Variants in DLG2 observed in about 807,000 individuals in gnomAD.
DLG2 encodes discs large MAGUK scaffold protein 2, also known as disks large homolog 2.
In DLG2, 45 loss-of-function variants were observed where a neutral mutation model predicts 132.5. That is an observed-to-expected ratio of 0.34 (90% CI 0.27 to 0.44). DLG2 has a LOEUF of 0.44. Among genes scored for constraint, DLG2 ranks in the 20% least tolerant of loss-of-function variants. The pLI is 1.00. For missense variants in DLG2, 1,045 were observed against 1,196.9 expected, an observed-to-expected ratio of 0.87 and a Z score of 1.87; for synonymous variants, 424 against 419.6, an observed-to-expected ratio of 1.01 and a Z score of -0.13.
At chr11:83,577,460 T>C (rs2096890900) in intron 19 of DLG2, among the ~76,000 whole-genome samples, 1 of 135,490 alleles carries the variant, frequency 7.4e-6, no homozygotes, top group African/African-American at 3.0e-5. Context: ...ACTAATAGGA[T>C]ATATATATAT....
rs531944358 is a variant in DLG2, at chr11:84,524,665, G to T, written c.519+9905C>A. Reference sequence around the variant, plus strand: ...CTACTTCCACCATCTAGTGGCAAGAGATAGAAATGAAAGGATTTTACACTT... The same window carrying T: ...CTACTTCCACCATCTAGTGGCAAGATATAGAAATGAAAGGATTTTACACTT... On this transcript the variant is annotated intron_variant, in intron 7 of 27. Transcript: ENST00000376104. Among the ~76,000 whole-genome samples the T allele has an allele frequency of 2.0e-5, 3 of 152,248 alleles. No homozygotes were observed. In the South Asian group the frequency reaches 6.2e-4, roughly 32 times the overall value.
chr11:83,735,455 T>C (rs1390987518), intron 18 of DLG2, among the ~76,000 whole-genome samples: 1 of 152,216 alleles, frequency 6.6e-6, no homozygotes, highest in Non-Finnish European at 1.5e-5. Context: ...TAATTGGTCA[T>C]AGTTGTTAAA....
intron 7 of DLG2, among the ~76,000 whole-genome samples, chr11:84,485,905 T>C (rs902041762): frequency 1.3e-5 from 2 of 152,164 alleles, no homozygotes; most frequent in Non-Finnish European, 2.9e-5. Flanking sequence ...CTCTGATCTA[T>C]ATAGTCATTC....
At chr11:85,184,611 C>T (rs1000179049) in intron 4 of DLG2, among the ~76,000 whole-genome samples, 3 of 151,788 alleles carry the variant, frequency 2.0e-5, no homozygotes, top group African/African-American at 4.8e-5. Context: ...AGGTTAGTTT[C>T]TTCCCTCAGA....
intron 6 of DLG2, among the ~76,000 whole-genome samples, chr11:84,758,033 G>A (rs1193905083): frequency 6.6e-6 from 1 of 152,150 alleles, no homozygotes; most frequent in African/African-American, 2.4e-5. Flanking sequence ...CCAATGGTTG[G>A]GTCATTGCCA....
At chr11:85,170,342 A>T (rs2078761968) in intron 4 of DLG2, among the ~76,000 whole-genome samples, 2 of 152,156 alleles carry the variant, frequency 1.3e-5, no homozygotes, top group Non-Finnish European at 2.9e-5. Flanking sequence ...CTTGCCTCGT[A>T]AGAACCTTTA....
At chr11:83,823,355 G>A (rs1329988638) in intron 17 of DLG2, among the ~76,000 whole-genome samples, 1 of 152,020 alleles carries the variant, frequency 6.6e-6, no homozygotes, top group African/African-American at 2.4e-5. Context: ...CAAATTTTTT[G>A]GAAGAAGAGA....
chr11:85,107,472 A>C (rs1422886607), intron 6 of DLG2, among the ~76,000 whole-genome samples: 2 of 152,044 alleles, frequency 1.3e-5, no homozygotes, highest in Non-Finnish European at 2.9e-5. Context: ...AATATGCTCT[A>C]AAATGCAGCA....
At chr11:83,671,345 C>T (rs2153575145) in intron 18 of DLG2, among the ~76,000 whole-genome samples, 1 of 152,202 alleles carries the variant, frequency 6.6e-6, no homozygotes, top group African/African-American at 2.4e-5. Flanking sequence ...CAACGTGAAC[C>T]CACACTGCTT....
intron 6 of DLG2, among the ~76,000 whole-genome samples, chr11:84,928,980 G>GTGTGTGTA (rs1555303534): frequency 5.0e-5 from 2 of 40,248 alleles, no homozygotes; most frequent in Non-Finnish European, 1.0e-4. Flanking sequence ...GTGTGTGTGT[G>GTGTGTGTA]TGTATATATA....
Position 84,227,788 on chromosome 11 carries a change from C to T in DLG2, c.573+23450G>A, listed in dbSNP as rs542535972. Among the ~76,000 whole-genome samples the T allele has an allele frequency of 3.7e-4, 57 of 152,064 alleles. 1 individual carries two copies. In the South Asian group the frequency reaches 0.011, roughly 31 times the overall value. On this transcript the variant is annotated intron_variant, in intron 8 of 27. Transcript: ENST00000376104. ...AATTAGCTAGCTGTGGTGGTACACG[C>T]CTGTACACCCAGCTGCTCAGGAGGC... is the stretch of plus-strand genomic sequence containing the variant.
chr11:85,194,717 C>A (rs2080897041), intron 4 of DLG2, among the ~76,000 whole-genome samples: 5 of 152,052 alleles, frequency 3.3e-5, no homozygotes, highest in Admixed American at 3.3e-4. Flanking sequence ...GTCCATCCTC[C>A]TGGCTAAGCC....
chr11:84,858,781 TTAAAAC>T (rs2083145682), intron 6 of DLG2, among the ~76,000 whole-genome samples: 1 of 152,042 alleles, frequency 6.6e-6, no homozygotes, highest in African/African-American at 2.4e-5. Context: ...TATACACACT[TTAAAAC>T]TAACATCATG....
chr11:85,376,465 T>G (rs559445288), intron 3 of DLG2, among the ~76,000 whole-genome samples: 1 of 152,296 alleles, frequency 6.6e-6, no homozygotes, highest in South Asian at 2.1e-4. Context: ...ACCAAGTTTT[T>G]TTATTCCTTT....
chr11:84,731,410 AC>A (rs1371331275), intron 6 of DLG2, among the ~76,000 whole-genome samples: 1 of 152,028 alleles, frequency 6.6e-6, no homozygotes, highest in Non-Finnish European at 1.5e-5. Flanking sequence ...GAGGAGAGCT[AC>A]ATGGCTCTAT....
chr11:83,684,021 C>A (rs2079275985), intron 18 of DLG2, among the ~76,000 whole-genome samples: 1 of 152,082 alleles, frequency 6.6e-6, no homozygotes, highest in Admixed American at 6.6e-5. Context: ...CACTGTGAGA[C>A]CATCTTGGCT....
chr11:84,251,185 A>T, intron 8 of DLG2, 53 bp downstream of exon 8: 1 of 1,131,222 alleles, frequency 8.8e-7, no homozygotes, highest in Non-Finnish European at 1.3e-6. Flanking sequence ...AAATTCAGCC[A>T]ATTAAGTTCT....
intron 18 of DLG2, among the ~76,000 whole-genome samples, chr11:83,662,693 C>T (rs1381764486): frequency 6.6e-6 from 1 of 152,188 alleles, no homozygotes; most frequent in Non-Finnish European, 1.5e-5. Context: ...TGCACTGTTC[C>T]TTAACTCTGC....
Position 85,209,445 on chromosome 11 carries a change from C to CTTTTTTTTTTT in DLG2, c.187-54805_187-54795dup, listed in dbSNP as rs1164394816. Among the ~76,000 whole-genome samples, 14 of 74,434 alleles carry CTTTTTTTTTTT rather than the reference C, an allele frequency of 1.9e-4. 2 individuals carry two copies. Among genetic ancestry groups the CTTTTTTTTTTT allele is most frequent in the Non-Finnish European group, 2.8e-4 (12 of 42,536 alleles). 48.8% of individuals were successfully genotyped at this position (74,434 alleles called of 152,430 possible). On this transcript the variant is annotated intron_variant, in intron 4 of 27. Transcript: ENST00000376104. ...AACTTATGGGCACAAAGAAATCAGT[C>CTTTTTTTTTTT]TTTTTTTTTTTTTTTTTTTTTTGAG...
Sources: allele counts gnomAD v4.1 joint callset (sites outside exome capture counted in the v4.1 genomes callset), GRCh38; gene constraint gnomAD v4.1.1; transcripts MANE v1.5; gene names NCBI Gene and HGNC (gene_info 2026-07-23, HGNC 2026-07-21).